The following COL4A5 variants were observed in gnomAD, a reference collection of about 807,000 sequenced individuals.
The protein encoded by COL4A5 is collagen type IV alpha 5 chain, also known as collagen alpha-5(IV) chain.
A neutral mutation model predicts 130.2 loss-of-function variants in COL4A5; 26 were observed. That is an observed-to-expected ratio of 0.20 (90% confidence interval 0.15 to 0.28). The LOEUF (loss-of-function observed/expected upper bound fraction) is 0.28, where lower values mean the gene tolerates loss of function less well. COL4A5 is among the 10% of genes least tolerant of loss of function. The probability of loss-of-function intolerance (pLI) is 1.00; values close to 1 mark genes in which losing one functional copy is unlikely to be tolerated. For synonymous variants in COL4A5, 496 were observed against 439.6 expected, an observed-to-expected ratio of 1.13 and a Z score of -1.60; for missense variants, 1,131 against 1,344.3, an observed-to-expected ratio of 0.84 and a Z score of 2.48.
intron 24 of COL4A5, 63 bp downstream of exon 24, chrX:108,597,631 G>A: frequency 1.3e-5 from 13 of 1,035,912 alleles, no homozygotes; most frequent in South Asian, 1.2e-4. Flanking sequence ...TGTTTTCTAA[G>A]TTAATTCAAA....
chrX:108,442,517 A>G (rs949832945), intron 1 of COL4A5, among the ~76,000 whole-genome samples: 1 of 111,846 alleles, frequency 8.9e-6, no homozygotes, highest in African/African-American at 3.2e-5. Context: ...TGTCAGTGGG[A>G]TATGCACTTA....
chrX:108,599,278 C>T (rs1186544726), intron 25 of COL4A5, among the ~76,000 whole-genome samples: 2 of 111,685 alleles, frequency 1.8e-5, no homozygotes, highest in Non-Finnish European at 3.8e-5. Context: ...TAGTTTTCTT[C>T]CATTACCCCT....
At chrX:108,673,473 GCTTTTAAT>G (rs961507830) in intron 42 of COL4A5, among the ~76,000 whole-genome samples, 2 of 110,593 alleles carry the variant, frequency 1.8e-5, no homozygotes, top group Non-Finnish European at 3.8e-5. Flanking sequence ...CTATTTGTAG[GCTTTTAAT>G]CTTTTTATTT....
Position 108,520,578 on chromosome X carries a change from T to C in COL4A5, c.82-19168T>C, listed in dbSNP as rs188599733. Among the ~76,000 whole-genome samples the C allele has an allele frequency of 9.6e-4, 107 of 111,905 alleles. 4 individuals are homozygous for C. In the East Asian group the frequency reaches 0.029, roughly 30 times the overall value. On this transcript the variant is annotated intron_variant, in intron 1 of 52. Transcript: ENST00000328300. The stretch of plus-strand genomic sequence containing the variant: ...ATATCTTCCTTGGGAACCAAACCTT[T>C]TATCATTCTGAAGTGGCCTTGTTTC...
intron 2 of COL4A5, among the ~76,000 whole-genome samples, chrX:108,557,900 T>C (rs2065845530): frequency 9.0e-6 from 1 of 110,678 alleles, no homozygotes; most frequent in Non-Finnish European, 1.9e-5. Context: ...GCACGTGCCA[T>C]GAAGCTGTCC....
chrX:108,682,603 T>C (rs1426556938), intron 47 of COL4A5, among the ~76,000 whole-genome samples: 1 of 112,450 alleles, frequency 8.9e-6, no homozygotes, highest in Admixed American at 9.4e-5. Context: ...TGTGAGATAA[T>C]ATCTCACTGT....
At chrX:108,445,056 T>C (rs888899491) in intron 1 of COL4A5, among the ~76,000 whole-genome samples, 2 of 111,661 alleles carry the variant, frequency 1.8e-5, no homozygotes, top group African/African-American at 3.2e-5. Flanking sequence ...AGAAAAGTTA[T>C]GTAAAACATA....
intron 43 of COL4A5, chrX:108,676,886 A>G (rs1276888875): frequency 2.7e-5 from 3 of 112,312 alleles, no homozygotes; most frequent in African/African-American, 9.7e-5. Context: ...AGCTTCCACA[A>G]AGCACTTGTT....
intron 1 of COL4A5, among the ~76,000 whole-genome samples, chrX:108,478,770 G>A (rs963641495): frequency 3.6e-5 from 4 of 111,907 alleles, no homozygotes; most frequent in African/African-American, 9.8e-5. Flanking sequence ...TCCAAGGATC[G>A]TAGTCTTGGC....
chrX:108,642,026 C>T (rs2143600), intron 36 of COL4A5, among the ~76,000 whole-genome samples: 11,516 of 111,231 alleles, frequency 0.1, 1,301 homozygotes, highest in African/African-American at 0.33. Context: ...CACCTGGAAA[C>T]AGACTTGGGG....
intron 36 of COL4A5, among the ~76,000 whole-genome samples, chrX:108,652,259 G>A (rs1049113480): frequency 1.3e-4 from 14 of 111,961 alleles, no homozygotes; most frequent in African/African-American, 4.5e-4. Flanking sequence ...CTTTAAAAAA[G>A]TATCTCTGCA....
chrX:108,579,012 A>T (rs933319227), intron 13 of COL4A5, among the ~76,000 whole-genome samples: 1 of 111,360 alleles, frequency 9.0e-6, no homozygotes, highest in Non-Finnish European at 1.9e-5. Flanking sequence ...CTTTATCAAG[A>T]TACAGTCTAC....
intron 19 of COL4A5, 98 bp from the exon 20 acceptor site, chrX:108,590,960 T>C: frequency 1.3e-6 from 1 of 791,552 alleles, no homozygotes; most frequent in Non-Finnish European, 1.8e-6. Context: ...ACCAGAATTA[T>C]ATGTTAAAGG....
chrX:108,668,311 T>G lies in COL4A5; in HGVS notation c.3605-8T>G, dbSNP rs767540874. 8 of 1,208,161 alleles carry G rather than the reference T, an allele frequency of 6.6e-6. No homozygotes were observed. Among genetic ancestry groups the G allele is most frequent in the Non-Finnish European group, 9.0e-6 (8 of 892,768 alleles). On this transcript the variant is annotated splice_polypyrimidine_tract_variant and splice_region_variant and intron_variant, in intron 40 of 52. Transcript: ENST00000328300. Reference sequence around the variant, plus strand: ...TATTTATCTTCTAATTATACTTTACTTTCATAGGCCAAAAGGGTGATGGAG... The same window carrying G: ...TATTTATCTTCTAATTATACTTTACGTTCATAGGCCAAAAGGGTGATGGAG...
At chrX:108,669,672 T>C (rs1293890280) in intron 41 of COL4A5, among the ~76,000 whole-genome samples, 1 of 112,252 alleles carries the variant, frequency 8.9e-6, no homozygotes, top group African/African-American at 3.2e-5. Context: ...CAAACTATTA[T>C]CTTTTTTATA....
intron 19 of COL4A5, among the ~76,000 whole-genome samples, chrX:108,587,245 T>G (rs1327824510): frequency 9.0e-6 from 1 of 110,836 alleles, no homozygotes; most frequent in Non-Finnish European, 1.9e-5. Context: ...TTTGTACCCA[T>G]TAACCAACCT....
At chrX:108,590,723 C>G (rs1188034873) in intron 19 of COL4A5, among the ~76,000 whole-genome samples, 1 of 111,640 alleles carries the variant, frequency 9.0e-6, no homozygotes, top group Non-Finnish European at 1.9e-5. Flanking sequence ...GAAACAGAGC[C>G]ATGTTTATAT....
In COL4A5 at chrX:108,511,406, C is replaced by T. The variant is rs2065178070; in HGVS notation, c.82-28340C>T. Among the ~76,000 whole-genome samples, 3 of 111,833 alleles carry T rather than the reference C, an allele frequency of 2.7e-5. No homozygotes were observed. The South Asian group carries it at 1.1e-3, about 41-fold the overall frequency. Reference sequence around the variant, plus strand: ...ACTTCCCCAAATTGATCTAAGCATTCAGTGCAGTCTTCCTTAAAGTCTCAG... The same window carrying T: ...ACTTCCCCAAATTGATCTAAGCATTTAGTGCAGTCTTCCTTAAAGTCTCAG... On this transcript the variant is annotated intron_variant, in intron 1 of 52. Transcript: ENST00000328300.
rs188889036 is a variant in COL4A5 at position 108,476,895 on chromosome X, G to A, written c.81+36689G>A. Among the ~76,000 whole-genome samples the A allele has an allele frequency of 1.7e-4, 19 of 111,694 alleles. No individual in the cohort carries two copies. The East Asian group carries it at 3.9e-3, about 23-fold the overall frequency. Reference sequence around the variant, plus strand: ...GAATAGCGCTACAACCAACATGGGAGTGAAGATATCTCTTTGATCTACTTA... The same window carrying A: ...GAATAGCGCTACAACCAACATGGGAATGAAGATATCTCTTTGATCTACTTA... On this transcript the variant is annotated intron_variant, in intron 1 of 52. Transcript: ENST00000328300.
Sources: allele counts gnomAD v4.1 joint callset (sites outside exome capture counted in the v4.1 genomes callset), GRCh38; gene constraint gnomAD v4.1.1; transcripts MANE v1.5; gene names NCBI Gene and HGNC (gene_info 2026-07-23, HGNC 2026-07-21).